Variants in PCGF3 observed in about 807,000 individuals in gnomAD.
PCGF3 encodes the protein polycomb group ring finger 3, also known as polycomb group RING finger protein 3.
Under a neutral mutation model 33.1 loss-of-function variants are expected in PCGF3, and 7 were observed. The observed-to-expected ratio is 0.21, with a 90% CI of 0.12 to 0.40. The LOEUF is 0.40. Ranked by LOEUF, PCGF3 falls within the 10% of genes least tolerant of loss-of-function variation. PCGF3 has a pLI of 1.00. For synonymous variants in PCGF3, 153 were observed against 121.3 expected (o/e 1.26, Z -1.72); for missense variants, 211 against 313.3 (o/e 0.67, Z 2.46).
chr4:761,489 G>A (rs1416860056), intron 9 of PCGF3, 73 bp downstream of exon 9: 33 of 1,458,590 alleles, frequency 2.3e-5, no homozygotes, highest in South Asian at 1.2e-4. Context: ...AAGATTCTTT[G>A]CTTAGTTTTG....
intron 7 of PCGF3, chr4:743,865 A>G: frequency 3.2e-6 from 1 of 311,998 alleles, no homozygotes; most frequent in African/African-American, 2.1e-5. Context: ...TGGAAAGAGT[A>G]GTGGAAGGTG....
intron 8 of PCGF3, among the ~76,000 whole-genome samples, chr4:756,192 G>A (rs1480019541): frequency 1.3e-5 from 2 of 149,324 alleles, no homozygotes; most frequent in Admixed American, 6.7e-5. Context: ...TGGGATTACA[G>A]ACGTGAGCCA....
Position 744,590 on chromosome 4 carries a change from G to T in PCGF3, c.374-10G>T. On this transcript the variant is annotated splice_polypyrimidine_tract_variant and intron_variant, in intron 7 of 10. Transcript: ENST00000362003. Reference sequence around the variant, plus strand: ...TTTCATGGTGCGCTATGTTCTGTTTGTGCTAAAAGGTGAAACCAAAGCAGA... The same window carrying T: ...TTTCATGGTGCGCTATGTTCTGTTTTTGCTAAAAGGTGAAACCAAAGCAGA... 1 of 1,548,444 alleles carries T rather than the reference G, an allele frequency of 6.5e-7. No individual in the cohort carries two copies. Among genetic ancestry groups the T allele is most frequent in the African/African-American group, 1.4e-5 (1 of 73,172 alleles).
At chr4:752,139 G>C (rs1744542552) in intron 8 of PCGF3, among the ~76,000 whole-genome samples, 2 of 152,240 alleles carry the variant, frequency 1.3e-5, no homozygotes, top group African/African-American at 4.8e-5. Flanking sequence ...CAGGTGAATG[G>C]CGTTTCCCAC....
exon 11 of PCGF3, chr4:766,216 G>A (rs527615629): frequency 6.0e-6 from 4 of 664,878 alleles, no homozygotes; most frequent in African/African-American, 5.4e-5. Context: ...TTGTATGAGA[G>A]AGAATTCACA....
At chr4:729,679 C>T (rs114047292) in intron 1 of PCGF3, among the ~76,000 whole-genome samples, 4,460 of 152,336 alleles carry the variant, frequency 0.029, 100 homozygotes, top group Non-Finnish European at 0.037. Flanking sequence ...ACTAACTCTA[C>T]TCTTTCCCTT....
At chr4:744,627 A>T in exon 8 of PCGF3, 1 of 1,560,876 alleles carries the variant, frequency 6.4e-7, no homozygotes, top group Non-Finnish European at 8.7e-7. Flanking sequence ...GACAGTTCAA[A>T]CAAAGAGGCC....
At chr4:741,263 GTGAAAA>G (rs1255565629) in intron 6 of PCGF3, among the ~76,000 whole-genome samples, 1 of 152,254 alleles carries the variant, frequency 6.6e-6, no homozygotes, top group Non-Finnish European at 1.5e-5. Flanking sequence ...CTTCTCAGAA[GTGAAAA>G]TGAAGATATG....
At chr4:755,870 A>C (rs1047087631) in intron 8 of PCGF3, among the ~76,000 whole-genome samples, 1 of 142,240 alleles carries the variant, frequency 7.0e-6, no homozygotes, top group African/African-American at 2.6e-5. Context: ...GGGAGAGTAC[A>C]TACCCCTCCT....
At chr4:765,987 C>T (rs776389683) in intron 10 of PCGF3, 45 bp from the exon 11 acceptor site, 5 of 1,596,134 alleles carry the variant, frequency 3.1e-6, no homozygotes, top group East Asian at 4.5e-5. Context: ...TCCTTCTCGC[C>T]TCCACCCCTG....
chr4:740,378 A>G (rs1744033820), intron 6 of PCGF3, among the ~76,000 whole-genome samples: 1 of 152,130 alleles, frequency 6.6e-6, no homozygotes, highest in African/African-American at 2.4e-5. Flanking sequence ...GTTTTTATAA[A>G]TTATTTTAGA....
At chr4:734,584 C>A in intron 4 of PCGF3, 3 of 1,167,132 alleles carry the variant, frequency 2.6e-6, no homozygotes, top group Non-Finnish European at 3.2e-6. Flanking sequence ...ATACTGTCAT[C>A]TTTTAGGACA....
At chr4:744,391 A>C (rs1416262933) in intron 7 of PCGF3, among the ~76,000 whole-genome samples, 1 of 152,060 alleles carries the variant, frequency 6.6e-6, no homozygotes, top group East Asian at 1.9e-4. Context: ...CCACGCCTGC[A>C]CCCCACAGGC....
chr4:707,538 CCT>C, intron 1 of PCGF3, among the ~76,000 whole-genome samples: 2 of 94,536 alleles, frequency 2.1e-5, no homozygotes, highest in South Asian at 9.8e-4. Flanking sequence ...CTGGGACAGC[CCT>C]GTTTTCCCCT....
chr4:748,833 C>T (rs1467033711), intron 8 of PCGF3, among the ~76,000 whole-genome samples: 1 of 152,114 alleles, frequency 6.6e-6, no homozygotes, highest in Non-Finnish European at 1.5e-5. Context: ...CCTGGTTGGC[C>T]TTTGTTAGGT....
At chr4:725,819 C>T (rs1232283334) in intron 1 of PCGF3, among the ~76,000 whole-genome samples, 1 of 152,154 alleles carries the variant, frequency 6.6e-6, no homozygotes, top group African/African-American at 2.4e-5. Context: ...CCTCAGCGCT[C>T]GTCCCCGGGT....
intron 1 of PCGF3, among the ~76,000 whole-genome samples, chr4:715,717 C>CTG (rs545471205): frequency 2.0e-4 from 15 of 74,180 alleles, no homozygotes; most frequent in Non-Finnish European, 4.1e-4. Flanking sequence ...CCTGTAGACA[C>CTG]TGAGTGTGAG....
At position 720,819 on chromosome 4, in the gene PCGF3, C is replaced by T. The variant is rs190746429; in HGVS notation, c.-189-9811C>T. Among the ~76,000 whole-genome samples, 33 of 152,260 alleles carry T rather than the reference C, an allele frequency of 2.2e-4. No homozygotes were observed. In the East Asian group the frequency reaches 5.0e-3, roughly 23 times the overall value. Reference sequence around the variant, plus strand: ...GGCATGGGAAGCAGAGGGTGAGGCTCGGCTCTGCTGTCAGGAGGACATGTC... The same window carrying T: ...GGCATGGGAAGCAGAGGGTGAGGCTTGGCTCTGCTGTCAGGAGGACATGTC... On this transcript the variant is annotated intron_variant, in intron 1 of 10. Coordinates refer to ENST00000362003, the Ensembl canonical transcript of PCGF3. This position sits in a 1 kb window ranked among gnomAD's most constrained non-coding sequence, Gnocchi z 5.6.
intron 1 of PCGF3, among the ~76,000 whole-genome samples, chr4:727,233 CT>C (rs57690550): frequency 0.11 from 7,014 of 61,510 alleles, 113 homozygotes; most frequent in East Asian, 0.22. Context: ...TAGCGAGCGT[CT>C]TTTTTTTTTT....
Sources: gnomAD v4.1 joint callset for allele counts (sites outside exome capture counted in the v4.1 genomes callset) on GRCh38, gnomAD v4.1.1 for gene constraint, Gnocchi (gnomAD v3.1) non-coding constraint, MANE v1.5 for transcripts, NCBI Gene and HGNC (gene_info 2026-07-23, HGNC 2026-07-21) for gene names.